The following CTNND2 variants were observed in gnomAD, a reference collection of about 807,000 sequenced individuals.
CTNND2 encodes catenin delta-2.
A neutral mutation model predicts 144.4 loss-of-function variants in CTNND2; 22 were observed. The observed-to-expected ratio is 0.15, with a 90% CI of 0.11 to 0.22. CTNND2 has a LOEUF of 0.22. CTNND2 is among the 10% of genes least tolerant of loss of function. The pLI is 1.00. For missense variants in CTNND2, 1,353 were observed against 1,618.8 expected, an observed-to-expected ratio of 0.84 and a Z score of 2.82; for synonymous variants, 751 against 695.6, an observed-to-expected ratio of 1.08 and a Z score of -1.25.
At chr5:11,262,717 G>A (rs1462731619) in intron 9 of CTNND2, among the ~76,000 whole-genome samples, 9 of 119,840 alleles carry the variant, frequency 7.5e-5, no homozygotes, top group Non-Finnish European at 1.1e-4. Flanking sequence ...AGTCGAGACC[G>A]CACCACTGCA....
intron 9 of CTNND2, among the ~76,000 whole-genome samples, chr5:11,316,988 C>T (rs967571770): frequency 1.3e-5 from 2 of 151,918 alleles, no homozygotes; most frequent in Non-Finnish European, 2.9e-5. Context: ...AACAAACAAC[C>T]CCATCAAAAA....
At chr5:10,987,832 GA>G (rs1213276946) in intron 20 of CTNND2, among the ~76,000 whole-genome samples, 18 of 151,760 alleles carry the variant, frequency 1.2e-4, no homozygotes, top group Non-Finnish European at 1.9e-4. Flanking sequence ...AAATATGTGG[GA>G]ATATTCTCTC....
intron 1 of CTNND2, among the ~76,000 whole-genome samples, chr5:11,781,075 G>A (rs1195235352): frequency 6.6e-6 from 1 of 152,124 alleles, no homozygotes; most frequent in African/African-American, 2.4e-5. Context: ...GAAACACACT[G>A]ATAAACTGTT....
intron 3 of CTNND2, among the ~76,000 whole-genome samples, chr5:11,498,236 C>T (rs1770170602): frequency 6.6e-6 from 1 of 152,134 alleles, no homozygotes; most frequent in Non-Finnish European, 1.5e-5. Flanking sequence ...CACTCTCCCC[C>T]ACCCCCTCAA....
intron 2 of CTNND2, among the ~76,000 whole-genome samples, chr5:11,624,288 T>C (rs897144954): frequency 1.5e-4 from 23 of 152,132 alleles, no homozygotes; most frequent in African/African-American, 5.5e-4. Context: ...TGACCAATAC[T>C]GAACAGTAGT....
At chr5:11,330,254 G>A (rs1243378145) in intron 9 of CTNND2, among the ~76,000 whole-genome samples, 1 of 149,128 alleles carries the variant, frequency 6.7e-6, no homozygotes, top group Admixed American at 6.7e-5. Context: ...GGCGGATCAC[G>A]AGGTCAGGAG....
chr5:11,827,898 G>A (rs1793683114), intron 1 of CTNND2, among the ~76,000 whole-genome samples: 1 of 152,098 alleles, frequency 6.6e-6, no homozygotes, highest in Admixed American at 6.5e-5. Context: ...AGAAGGAACT[G>A]AACACTTCTT....
At chr5:11,718,749 A>G (rs988450153) in intron 2 of CTNND2, among the ~76,000 whole-genome samples, 2 of 152,218 alleles carry the variant, frequency 1.3e-5, no homozygotes, top group Non-Finnish European at 2.9e-5. Context: ...CAGCGGATTT[A>G]TAGACCATCT....
intron 9 of CTNND2, among the ~76,000 whole-genome samples, chr5:11,290,806 C>A (rs1433573018): frequency 6.6e-6 from 1 of 152,140 alleles, no homozygotes; most frequent in Non-Finnish European, 1.5e-5. Context: ...TTTTAAAAAA[C>A]TCTGATGGTT....
intron 8 of CTNND2, among the ~76,000 whole-genome samples, chr5:11,359,050 C>T (rs1295429453): frequency 6.6e-6 from 1 of 152,124 alleles, no homozygotes; most frequent in Non-Finnish European, 1.5e-5. Flanking sequence ...TTGTGTTGGT[C>T]AAATAACTCC....
At chr5:10,998,365 C>T (rs867695850) in intron 18 of CTNND2, among the ~76,000 whole-genome samples, 1 of 152,124 alleles carries the variant, frequency 6.6e-6, no homozygotes, top group African/African-American at 2.4e-5. Context: ...AGGAATGGGG[C>T]AGAGTAAACA....
intron 2 of CTNND2, among the ~76,000 whole-genome samples, chr5:11,579,138 G>A (rs1778208592): frequency 1.3e-5 from 2 of 148,548 alleles, no homozygotes; most frequent in African/African-American, 5.0e-5. Flanking sequence ...GAAGGTTTTA[G>A]TTCCTTTCCT....
chr5:11,210,259 G>A (rs866528549), intron 10 of CTNND2, among the ~76,000 whole-genome samples: 12 of 152,112 alleles, frequency 7.9e-5, no homozygotes, highest in African/African-American at 1.7e-4. Context: ...TTAGCCAGGC[G>A]TGGTGGTGCA....
intron 16 of CTNND2, among the ~76,000 whole-genome samples, chr5:11,066,409 A>G (rs772153757): frequency 2.6e-5 from 4 of 152,130 alleles, no homozygotes; most frequent in Non-Finnish European, 4.4e-5. Context: ...AGCTCAATCA[A>G]TTGTCAACCA....
Position 11,621,805 on chromosome 5 carries a change from C to A in CTNND2, c.175-56749G>T, listed in dbSNP as rs537080160. Among the ~76,000 whole-genome samples, 17 of 152,268 alleles carry A rather than the reference C, an allele frequency of 1.1e-4. No homozygotes were observed. The South Asian group carries it at 3.3e-3, about 30-fold the overall frequency. ...ATGTTTCCCATCTGAAAATTTTAAA[C>A]ATCTAAGCTGTCTCCTAATGCTAAG... On this transcript the variant is annotated intron_variant, in intron 2 of 21. Coordinates refer to ENST00000304623, the MANE Select transcript of CTNND2 (RefSeq NM_001332.4).
chr5:11,208,987 A>G (rs1156831207), intron 10 of CTNND2, among the ~76,000 whole-genome samples: 1 of 152,156 alleles, frequency 6.6e-6, no homozygotes, highest in African/African-American at 2.4e-5. Flanking sequence ...CTTTGAATAA[A>G]TTCTTTACCA....
intron 8 of CTNND2, among the ~76,000 whole-genome samples, chr5:11,355,244 G>GT (rs1349373450): frequency 6.6e-6 from 1 of 152,004 alleles, no homozygotes; most frequent in Admixed American, 6.5e-5. Context: ...CAATAAAGGT[G>GT]TGTTTATTTT....
chr5:11,157,558 A>G (rs1758337080), intron 12 of CTNND2, among the ~76,000 whole-genome samples: 1 of 152,208 alleles, frequency 6.6e-6, no homozygotes, highest in African/African-American at 2.4e-5. Context: ...TCCCCAACAC[A>G]AAGCAGGTGG....
chr5:11,101,885 A>ACATGTGTGTGTG (rs1554043725), intron 14 of CTNND2, among the ~76,000 whole-genome samples: 2 of 89,580 alleles, frequency 2.2e-5, no homozygotes, highest in Non-Finnish European at 5.0e-5. Flanking sequence ...TGACGACCAC[A>ACATGTGTGTGTG]TATGTGTGTG....
Sources: allele counts gnomAD v4.1 joint callset (sites outside exome capture counted in the v4.1 genomes callset), GRCh38; gene constraint gnomAD v4.1.1; transcripts MANE v1.5; gene names NCBI Gene and HGNC (gene_info 2026-07-23, HGNC 2026-07-21).